Variants in LRP2BP observed in about 807,000 individuals in gnomAD.
LRP2BP encodes the protein LRP2-binding protein.
A neutral mutation model predicts 45.2 loss-of-function variants in LRP2BP; 38 were observed. That is an observed-to-expected ratio of 0.84 (90% CI 0.65 to 1.10). The LOEUF (loss-of-function observed/expected upper bound fraction) is 1.10, where lower values mean the gene tolerates loss of function less well. LRP2BP is among the 50% of genes least tolerant of loss of function. The probability of loss-of-function intolerance (pLI) is 0.00; values close to 1 mark genes in which losing one functional copy is unlikely to be tolerated. For missense variants in LRP2BP, 385 were observed against 418.9 expected (o/e 0.92, Z 0.71); for synonymous variants, 153 against 153.9 (o/e 0.99, Z 0.04).
intron 1 of LRP2BP, among the ~76,000 whole-genome samples, chr4:185,385,313 C>A (rs2095467955): frequency 6.6e-6 from 1 of 151,918 alleles, no homozygotes. Flanking sequence ...GGATGATTTA[C>A]CCCCGGAGGT....
At position 185,366,219 on chromosome 4, in the gene LRP2BP, T is replaced by C. The variant is rs1233221826; in HGVS notation, c.*961A>G. ...TACTGTCACCTTTTGCCTTCATAGA[T>C]GTCATCTATATACGGAAAGCCTTTT... is the stretch of plus-strand genomic sequence containing the variant. On this transcript the variant is annotated 3_prime_UTR_variant, in exon 9 of 9. Transcript: ENST00000505916. 6.6e-6 allele frequency: 1 copy of C among 152,256 alleles called. No individual in the cohort carries two copies. Among genetic ancestry groups the C allele is most frequent in the Non-Finnish European group, 1.5e-5 (1 of 68,048 alleles). 9.4% of individuals were successfully genotyped at this position (152,256 alleles called of 1,614,324 possible).
In LRP2BP at chr4:185,384,694, GTTTA is replaced by G. The variant is rs1237474315; in HGVS notation, c.-21-6491_-21-6488del. On this transcript the variant is annotated intron_variant, in intron 1 of 8. Transcript: ENST00000505916. ...CTCCCCGGCAAACCCTCAAACCCGT[GTTTA>G]TTGTTATTTTTCCTTTCATTACTAT... Among the ~76,000 whole-genome samples the G allele has an allele frequency of 4.0e-5, 6 of 151,110 alleles. No individual in the cohort carries two copies. In the East Asian group the frequency reaches 1.2e-3, roughly 29 times the overall value.
At chr4:185,383,914 C>A (rs371658378) in intron 1 of LRP2BP, among the ~76,000 whole-genome samples, 1 of 152,164 alleles carries the variant, frequency 6.6e-6, no homozygotes, top group Non-Finnish European at 1.5e-5. Flanking sequence ...TAAGCCTGGG[C>A]GTGGATTTCT....
At chr4:185,377,801 C>G (rs993068150) in intron 2 of LRP2BP, 5 of 296,496 alleles carry the variant, frequency 1.7e-5, no homozygotes, top group African/African-American at 8.8e-5. Context: ...TGGCATTGTT[C>G]TCTTTAACAA....
chr4:185,389,385 A>AT (rs1435790299), intron 1 of LRP2BP, among the ~76,000 whole-genome samples: 16 of 148,538 alleles, frequency 1.1e-4, no homozygotes, highest in Non-Finnish European at 1.9e-4. Flanking sequence ...ATTTTTTTGT[A>AT]TTTTTTAATA....
At chr4:185,371,305 C>T (rs1334692696) in intron 7 of LRP2BP, among the ~76,000 whole-genome samples, 7 of 151,948 alleles carry the variant, frequency 4.6e-5, no homozygotes, top group Non-Finnish European at 8.8e-5. Flanking sequence ...TTTGGGAGGC[C>T]AAGGCAGGCG....
Position 185,373,018 on chromosome 4 carries a change from C to T in LRP2BP, c.641G>A (p.Gly214Glu), listed in dbSNP as rs115304369. 1.9e-6 allele frequency: 3 copies of T among 1,613,328 alleles called. No individual in the cohort carries two copies. Among genetic ancestry groups the T allele is most frequent in the Non-Finnish European group, 2.5e-6 (3 of 1,179,326 alleles). The change falls in exon 7 of 9, where the codon GGG (glycine) becomes GAG (glutamate). Residue 214 changes from glycine (G) to glutamate (E), a missense_variant. By Grantham distance (98) the Gly-to-Glu change is moderately conservative (BLOSUM62 -2). Transcript: ENST00000505916. ...GCCTTGTCCATACAAGTACATGAGCCCAAGTGCACCCTGGGACTCCAGATT... is the reference window on the plus strand; with the variant it reads ...GCCTTGTCCATACAAGTACATGAGCTCAAGTGCACCCTGGGACTCCAGATT... Reference protein sequence around the residue: ...NGNLESQGALGLMYLYGQGIR... With the variant: ...NGNLESQGALELMYLYGQGIR...
chr4:185,393,889 A>G (rs934447422), intron 1 of LRP2BP, among the ~76,000 whole-genome samples: 7 of 152,156 alleles, frequency 4.6e-5, no homozygotes, highest in Non-Finnish European at 5.9e-5. Context: ...ATTCAATTCC[A>G]GGAACAAGGC....
intron 2 of LRP2BP, chr4:185,377,458 C>T (rs564584945): frequency 4.2e-5 from 7 of 167,376 alleles, no homozygotes; most frequent in South Asian, 1.6e-4. Flanking sequence ...GCGGAGGCTG[C>T]GGTGAGCCAA....
rs1295167326 is a variant in LRP2BP, at chr4:185,364,224, A to G, written c.*2956T>C. On this transcript the variant is annotated 3_prime_UTR_variant, in exon 9 of 9. Coordinates refer to ENST00000505916, the MANE Select transcript of LRP2BP (RefSeq NM_001377440.1). The stretch of plus-strand genomic sequence containing the variant: ...AGAGATGGGAGCTGACCCTTGGAGT[A>G]TGGGCAGGGCCGAGATGGGGGAGCG... 6.6e-6 allele frequency: 1 copy of G among 152,186 alleles called. No individual in the cohort carries two copies. Among genetic ancestry groups the G allele is most frequent in the Non-Finnish European group, 1.5e-5 (1 of 68,062 alleles). The allele number at this position is 152,186 out of a possible 1,614,324, so 9.4% of individuals were successfully genotyped here.
chr4:185,392,382 G>A (rs2095490434), intron 1 of LRP2BP, among the ~76,000 whole-genome samples: 3 of 152,122 alleles, frequency 2.0e-5, no homozygotes, highest in Non-Finnish European at 4.4e-5. Context: ...ACAATATCCT[G>A]TTGCAGCAGT....
intron 8 of LRP2BP, chr4:185,369,807 T>G: frequency 2.3e-6 from 1 of 437,968 alleles, no homozygotes; most frequent in South Asian, 1.7e-5. Flanking sequence ...TTTTCTGAAA[T>G]AAGGCCTGAA....
At chr4:185,385,910 G>GGA (rs1554020210) in intron 1 of LRP2BP, among the ~76,000 whole-genome samples, 1 of 81,950 alleles carries the variant, frequency 1.2e-5, no homozygotes, top group Admixed American at 1.1e-4. Context: ...CGGGGAGGGG[G>GGA]GGGGGGAGAT....
intron 1 of LRP2BP, among the ~76,000 whole-genome samples, chr4:185,390,005 T>TC (rs544828795): frequency 1.8e-4 from 27 of 152,352 alleles, no homozygotes; most frequent in African/African-American, 6.5e-4. Context: ...ACTATGGGCA[T>TC]AAGAATTCCA....
At chr4:185,371,272 G>T (rs577399574) in intron 7 of LRP2BP, among the ~76,000 whole-genome samples, 1 of 152,266 alleles carries the variant, frequency 6.6e-6, no homozygotes, top group Non-Finnish European at 1.5e-5. Flanking sequence ...GGGCGCGGTG[G>T]CTCACGCCTG....
upstream of LRP2BP, chr4:185,396,725 G>A: frequency 1.6e-6 from 1 of 610,820 alleles, no homozygotes. Flanking sequence ...GGCTGGACAG[G>A]GTCCGGGTCG....
intron 1 of LRP2BP, among the ~76,000 whole-genome samples, chr4:185,379,812 T>TTCAC (rs2095450087): frequency 6.7e-6 from 1 of 149,708 alleles, no homozygotes; most frequent in Non-Finnish European, 1.5e-5. Context: ...ACCTGCGCAC[T>TTCAC]TCTCTCTCTC....
intron 1 of LRP2BP, among the ~76,000 whole-genome samples, chr4:185,385,254 G>T (rs1355418316): frequency 2.6e-5 from 4 of 152,148 alleles, no homozygotes; most frequent in Non-Finnish European, 5.9e-5. Flanking sequence ...AGTTACAGCT[G>T]CCGGGTCTTC....
At chr4:185,368,455 G>A (rs964620183) in intron 8 of LRP2BP, among the ~76,000 whole-genome samples, 6 of 149,496 alleles carry the variant, frequency 4.0e-5, no homozygotes, top group African/African-American at 1.5e-4. Flanking sequence ...CCCTTCCTGC[G>A]GGACACTGCC....
Sources: allele counts gnomAD v4.1 joint callset (sites outside exome capture counted in the v4.1 genomes callset), GRCh38; gene constraint gnomAD v4.1.1; transcripts MANE v1.5; gene names NCBI Gene and HGNC (gene_info 2026-07-23, HGNC 2026-07-21).